Variants in NCOA2 observed in about 807,000 individuals in gnomAD.
The protein encoded by NCOA2 is class E basic helix-loop-helix protein 75.
Under a neutral mutation model 145.1 loss-of-function variants are expected in NCOA2, and 21 were observed. That is an observed-to-expected ratio of 0.14 (90% confidence interval 0.10 to 0.21). NCOA2 has a LOEUF of 0.21. NCOA2 is among the 10% of genes least tolerant of loss of function. The probability of loss-of-function intolerance (pLI) is 1.00; values close to 1 mark genes in which losing one functional copy is unlikely to be tolerated. For missense variants in NCOA2, 1,472 were observed against 1,837.6 expected, an observed-to-expected ratio of 0.80 and a Z score of 3.64; for synonymous variants, 619 against 637.5, an observed-to-expected ratio of 0.97 and a Z score of 0.44.
chr8:70,170,153 G>C lies in NCOA2; in HGVS notation c.541+49C>G, dbSNP rs138994280. ...CAAGACACTGTGTGTATGAGGCAGG[G>C]CAGGTGGGGGTGACGGGAGGTAGGG... On this transcript the variant is annotated intron_variant, in intron 6 of 22. Transcript: ENST00000452400. The C allele has an allele frequency of 1.9e-6, 3 of 1,547,494 alleles. No homozygotes were observed. The South Asian group carries it at 3.4e-5, about 18-fold the overall frequency.
chr8:70,119,896 G>A (rs1807603870), intron 22 of NCOA2, among the ~76,000 whole-genome samples: 1 of 149,342 alleles, frequency 6.7e-6, no homozygotes, highest in Admixed American at 6.7e-5. Context: ...TTGAGATGGA[G>A]TCTCACTCTG....
chr8:70,170,851 C>G (rs1375854218), intron 5 of NCOA2, among the ~76,000 whole-genome samples: 1 of 152,118 alleles, frequency 6.6e-6, no homozygotes, highest in Non-Finnish European at 1.5e-5. Flanking sequence ...ACCAGGAAAA[C>G]CTTCCTGAAT....
At chr8:70,173,352 T>G (rs1814459796) in intron 5 of NCOA2, among the ~76,000 whole-genome samples, 1 of 151,832 alleles carries the variant, frequency 6.6e-6, no homozygotes, top group African/African-American at 2.4e-5. Flanking sequence ...AATAAACACA[T>G]GTATAGGGAA....
At chr8:70,281,807 T>C (rs987889731) in intron 2 of NCOA2, among the ~76,000 whole-genome samples, 10 of 152,138 alleles carry the variant, frequency 6.6e-5, no homozygotes, top group African/African-American at 1.9e-4. Flanking sequence ...ACCTGCAAAA[T>C]GGAGATTCTA....
At chr8:70,124,284 C>T (rs1482730254) in intron 20 of NCOA2, among the ~76,000 whole-genome samples, 1 of 151,540 alleles carries the variant, frequency 6.6e-6, no homozygotes, top group Non-Finnish European at 1.5e-5. Flanking sequence ...GCTGTGGGGG[C>T]AATTCTGTGT....
chr8:70,435,039 G>A, the NCOA2 span, among the ~76,000 whole-genome samples: 2 of 152,090 alleles, frequency 1.3e-5, no homozygotes, highest in Admixed American at 6.5e-5. Context: ...CTATGTGACT[G>A]TTTATGTATC....
intron 4 of NCOA2, among the ~76,000 whole-genome samples, chr8:70,184,040 A>G (rs1489718447): frequency 6.6e-6 from 1 of 152,162 alleles, no homozygotes; most frequent in African/African-American, 2.4e-5. Flanking sequence ...TACCTAACAT[A>G]GTGGAGGTTC....
intron 1 of NCOA2, among the ~76,000 whole-genome samples, chr8:70,346,176 T>C (rs1479616702): frequency 2.0e-5 from 3 of 152,182 alleles, no homozygotes; most frequent in Non-Finnish European, 4.4e-5. Flanking sequence ...TAAGAAAATG[T>C]TTTATCAAGA....
Position 70,139,015 on chromosome 8 carries a change from G to C in NCOA2, c.3029-683C>G, listed in dbSNP as rs190786603. Among the ~76,000 whole-genome samples the C allele has an allele frequency of 2.5e-4, 38 of 152,354 alleles. No individual in the cohort carries two copies. In the East Asian group the frequency reaches 4.6e-3, roughly 19 times the overall value. ...GGGAATCAGGGTGCTGCACCATGTC[G>C]AGACTGCTGGCTCCTGAACGTCGAC... On this transcript the variant is annotated intron_variant, in intron 14 of 22. Coordinates refer to ENST00000452400, the MANE Select transcript of NCOA2 (RefSeq NM_006540.4).
At chr8:70,186,837 G>A (rs73684209) in intron 4 of NCOA2, among the ~76,000 whole-genome samples, 8,371 of 152,204 alleles carry the variant, frequency 0.055, 770 homozygotes, top group African/African-American at 0.19. Flanking sequence ...GTAAAAATGT[G>A]AATTTTCTTT....
At chr8:70,452,306 A>C in the NCOA2 span, among the ~76,000 whole-genome samples, 1 of 152,216 alleles carries the variant, frequency 6.6e-6, no homozygotes, top group African/African-American at 2.4e-5. Flanking sequence ...AGTTCTCCAA[A>C]GAAATAAAAA....
the NCOA2 span, among the ~76,000 whole-genome samples, chr8:70,456,412 C>T: frequency 6.6e-6 from 1 of 152,078 alleles, no homozygotes; most frequent in Non-Finnish European, 1.5e-5. Context: ...ACTGGTCAAG[C>T]GCCGGACGTT....
Position 70,166,762 on chromosome 8 carries a change from A to G in NCOA2, c.542-8T>C. On this transcript the variant is annotated splice_polypyrimidine_tract_variant and splice_region_variant and intron_variant, in intron 6 of 22. Coordinates refer to ENST00000452400, the MANE Select transcript of NCOA2 (RefSeq NM_006540.4). ...ACCAAGATCCCCCATTTACTGAGCA[A>G]GGCAAAAGTAATCCAGTTTTACAAA... The G allele has an allele frequency of 6.2e-7, 1 of 1,605,732 alleles. No homozygotes were observed. Among genetic ancestry groups the G allele is most frequent in the Non-Finnish European group, 8.5e-7 (1 of 1,175,438 alleles).
the NCOA2 span, among the ~76,000 whole-genome samples, chr8:70,438,747 C>T: frequency 2.6e-5 from 4 of 152,258 alleles, no homozygotes; most frequent in East Asian, 7.7e-4. Context: ...ACACTGGCTT[C>T]CAGTAGCTAG....
At chr8:70,394,445 G>A (rs1813481276) in intron 1 of NCOA2, among the ~76,000 whole-genome samples, 2 of 152,294 alleles carry the variant, frequency 1.3e-5, no homozygotes, top group South Asian at 4.1e-4. Context: ...GTGAGTCACC[G>A]CGCCTGGCCA....
chr8:70,286,192 C>A (rs1383672404), intron 2 of NCOA2, among the ~76,000 whole-genome samples: 3 of 152,060 alleles, frequency 2.0e-5, no homozygotes, highest in Non-Finnish European at 1.5e-5. Flanking sequence ...GTGGGAGGAT[C>A]ACTTGAGCCC....
the NCOA2 span, among the ~76,000 whole-genome samples, chr8:70,416,195 GTT>G: frequency 8.1e-5 from 11 of 135,684 alleles, no homozygotes; most frequent in African/African-American, 3.1e-4. Context: ...CAGTTTTTTT[GTT>G]TTTTTTTTTT....
At chr8:70,151,667 T>C (rs925396249) in intron 11 of NCOA2, among the ~76,000 whole-genome samples, 9 of 152,186 alleles carry the variant, frequency 5.9e-5, no homozygotes, top group Admixed American at 4.6e-4. Context: ...CTTAAAACTA[T>C]GAACACTATT....
At position 70,128,800 on chromosome 8, in the gene NCOA2, G is replaced by A. The variant is rs766652202; in HGVS notation, c.3505C>T (p.Arg1169Cys). The A allele has an allele frequency of 1.1e-5, 17 of 1,613,922 alleles. No individual in the cohort carries two copies. Among genetic ancestry groups the A allele is most frequent in the Admixed American group, 1.7e-5 (1 of 60,004 alleles). Reference sequence around the variant, plus strand: ...CTGAGGCCCGGTCTGGGCTGCATACGGAGTGTGGCATAACTAGGCCGCTGT... The same window carrying A: ...CTGAGGCCCGGTCTGGGCTGCATACAGAGTGTGGCATAACTAGGCCGCTGT... ...MGQRPSYATL[R>C]MQPRPGLRPT... Residue 1169 changes from arginine to cysteine, a missense_variant, in exon 17 of 23, where the codon CGT (arginine) becomes TGT (cysteine). This residue lies in a region of NCOA2 where 953 missense variants were observed against 1,062.1 expected (regional missense o/e 0.90). Coordinates refer to ENST00000452400, the MANE Select transcript of NCOA2 (RefSeq NM_006540.4).
Sources: allele counts gnomAD v4.1 joint callset (sites outside exome capture counted in the v4.1 genomes callset), GRCh38; gene constraint gnomAD v4.1.1; regional missense constraint gnomAD v4.1.1; transcripts MANE v1.5; gene names NCBI Gene and HGNC (gene_info 2026-07-23, HGNC 2026-07-21).